Variants in IL27RA observed in about 807,000 individuals in gnomAD.
IL27RA encodes interleukin-27 receptor subunit alpha.
IL27RA carries 61 observed loss-of-function variants against 80.8 expected under a neutral mutation model. That is an observed-to-expected ratio of 0.76 (90% CI 0.61 to 0.93). The LOEUF is 0.93. Ranked by LOEUF, IL27RA falls within the 40% of genes least tolerant of loss-of-function variation. IL27RA has a pLI of 0.00. For synonymous variants in IL27RA, 316 were observed against 332.5 expected (o/e 0.95, Z 0.54); for missense variants, 735 against 808.1 (o/e 0.91, Z 1.10).
chr19:14,039,994 C>A, intron 4 of IL27RA, 84 bp downstream of exon 4: 1 of 1,377,334 alleles, frequency 7.3e-7, no homozygotes, highest in Non-Finnish European at 1.0e-6. Flanking sequence ...CAGCCCAGGA[C>A]TCATTCTGTG....
rs113040256 is a variant in IL27RA at position 14,052,903 on chromosome 19, C to CAAAAAAAAAAAAAAA, written c.*615_*629dup. 1 of 89,828 alleles carries CAAAAAAAAAAAAAAA rather than the reference C, an allele frequency of 1.1e-5. No individual in the cohort carries two copies. The highest frequency in any genetic ancestry group is 2.6e-5 in the Non-Finnish European group (1 of 38,888). The allele number at this position is 89,828 out of a possible 1,614,324, so 5.6% of individuals were successfully genotyped here. ...CAAAAATAAACAAACTAATAAAAAGCAAAAAAAAAAAAAAAAGAAAAGAAA... is the reference window on the plus strand; with the variant it reads ...CAAAAATAAACAAACTAATAAAAAGCAAAAAAAAAAAAAAAAAAAAAAAAAAAAAAAGAAAAGAAA... On this transcript the variant is annotated 3_prime_UTR_variant, in exon 14 of 14. Coordinates refer to ENST00000263379, the MANE Select transcript of IL27RA (RefSeq NM_004843.4).
At position 14,032,822 on chromosome 19, in the gene IL27RA, A is replaced by AG. The variant is rs1555764291; in HGVS notation, c.218+319_218+320insG. Among the ~76,000 whole-genome samples the AG allele has an allele frequency of 1.3e-3, 147 of 116,196 alleles. 4 individuals carry two copies. The East Asian group carries it at 0.018, about 15-fold the overall frequency. The allele number at this position is 116,196 out of a possible 152,430, so 76.2% of individuals were successfully genotyped here. A position where few individuals can be genotyped will look rare whatever the true frequency, so the allele number is the denominator to read the frequency against. ...CTCTGTCTCAAAAAAAAAAAAAAAA[A>AG]AAAAGAAAAGAAAAGAAAAGAAAGT... On this transcript the variant is annotated intron_variant, in intron 2 of 13. Transcript: ENST00000263379.
rs1400595505 is a variant in IL27RA at position 14,048,526 on chromosome 19, G to C, written c.1142-455G>C. Among the ~76,000 whole-genome samples the C allele has an allele frequency of 2.6e-5, 4 of 152,272 alleles. No homozygotes were observed. In the East Asian group the frequency reaches 5.8e-4, roughly 22 times the overall value. The stretch of plus-strand genomic sequence containing the variant: ...TGCTCATATCTGTTTGACCACCTCA[G>C]AGGTTTTAGGCCTCTCTCCCAGCTG... On this transcript the variant is annotated intron_variant, in intron 8 of 13. Coordinates refer to ENST00000263379, the MANE Select transcript of IL27RA (RefSeq NM_004843.4).
At chr19:14,052,014 T>TG (rs1411488034) in intron 13 of IL27RA, 41 bp downstream of exon 13, 1 of 1,479,616 alleles carries the variant, frequency 6.8e-7, no homozygotes, top group African/African-American at 1.6e-5. Flanking sequence ...TCTGGGGGAC[T>TG]GGGGAGTCCT....
chr19:14,048,548 G>T (rs886720782), intron 8 of IL27RA, among the ~76,000 whole-genome samples: 1 of 152,148 alleles, frequency 6.6e-6, no homozygotes, highest in African/African-American at 2.4e-5. Context: ...CTCTCTCCCA[G>T]CTGCCCACAC....
chr19:14,042,357 G>A, intron 4 of IL27RA, 96 bp from the exon 5 acceptor site: 1 of 1,335,146 alleles, frequency 7.5e-7, no homozygotes, highest in Non-Finnish European at 1.0e-6. Flanking sequence ...CAACGAGACT[G>A]TCTCAAAACG....
intron 8 of IL27RA, among the ~76,000 whole-genome samples, chr19:14,048,705 C>T (rs888247458): frequency 1.3e-5 from 2 of 152,178 alleles, no homozygotes; most frequent in Admixed American, 1.3e-4. Context: ...CTCCGTCCCC[C>T]TGAGCTGGGC....
rs765885275 is a variant in IL27RA at position 14,039,772 on chromosome 19, G to C, written c.396G>C (p.Arg132=). The change falls in exon 4 of 14, where the codon CGG becomes CGC. Residue 132 remains arginine, a synonymous_variant. Coordinates refer to ENST00000263379, the MANE Select transcript of IL27RA (RefSeq NM_004843.4). ...LETQMKPNAP[R]LGPDVDFSED... ...CCCCAGTGAAGCCAAACGCCCCCCG[G>C]CTGGGCCCTGACGTGGACTTTTCCG... 3 of 1,613,902 alleles carry C rather than the reference G, an allele frequency of 1.9e-6. No homozygotes were observed. The highest frequency in any genetic ancestry group is 2.7e-5 in the African/African-American group (2 of 74,922).
chr19:14,038,556 G>A (rs1394752830), intron 2 of IL27RA, among the ~76,000 whole-genome samples: 2 of 140,048 alleles, frequency 1.4e-5, no homozygotes, highest in Non-Finnish European at 3.0e-5. Flanking sequence ...TACAGAGTGA[G>A]GTCGTGTCTC....
Position 14,049,471 on chromosome 19 carries a change from C to T in IL27RA, c.1402+157C>T, listed in dbSNP as rs182150135. Among the ~76,000 whole-genome samples the T allele has an allele frequency of 2.6e-5, 4 of 152,146 alleles. No homozygotes were observed. The East Asian group carries it at 7.7e-4, about 29-fold the overall frequency. ...GCTATCAATGTAACGAGCTTTCATT[C>T]GGCCATTAAAAATGAGGATGCCAAT... On this transcript the variant is annotated intron_variant, in intron 10 of 13. Coordinates refer to ENST00000263379, the MANE Select transcript of IL27RA (RefSeq NM_004843.4).
rs766173308 is a variant in IL27RA at position 14,031,906 on chromosome 19, T to G, written c.34T>G (p.Trp12Gly). The change falls in exon 1 of 14, where the codon TGG becomes GGG. Residue 12 changes from tryptophan to glycine, a missense_variant. Coordinates refer to ENST00000263379, the MANE Select transcript of IL27RA (RefSeq NM_004843.4). ...AGGCAGGGGCGCCCCTTTCTGGCTG[T>G]GGCCGCTGCCCAAGCTGGCGCTGCT... ...RGGRGAPFWL[W>G]PLPKLALLPL... 1.2e-6 allele frequency: 2 copies of G among 1,606,236 alleles called. No homozygotes were observed. The highest frequency in any genetic ancestry group is 2.2e-5 in the South Asian group (2 of 89,956).
intron 13 of IL27RA, 38 bp downstream of exon 13, chr19:14,052,011 G>C (rs753236844): frequency 6.4e-7 from 1 of 1,567,796 alleles, no homozygotes; most frequent in Non-Finnish European, 8.7e-7. Context: ...CCCTCTGGGG[G>C]ACTGGGGAGT....
intron 13 of IL27RA, 58 bp from the exon 14 acceptor site, chr19:14,052,038 G>A (rs369031289): frequency 1.3e-6 from 2 of 1,579,754 alleles, no homozygotes; most frequent in Non-Finnish European, 1.7e-6. Context: ...GCAGTGGGGA[G>A]GGGGTGAGGT....
At chr19:14,044,398 C>G (rs1411576967) in intron 6 of IL27RA, among the ~76,000 whole-genome samples, 1 of 151,968 alleles carries the variant, frequency 6.6e-6, no homozygotes, top group Non-Finnish European at 1.5e-5. Context: ...CGCCACCACA[C>G]CCGGCTAATT....
intron 2 of IL27RA, among the ~76,000 whole-genome samples, chr19:14,036,269 A>C (rs568241743): frequency 6.6e-6 from 1 of 152,150 alleles, no homozygotes; most frequent in Admixed American, 6.6e-5. Flanking sequence ...TAATGGAATT[A>C]CAGGTGCTAC....
chr19:14,042,350 C>T (rs906818496), intron 4 of IL27RA, 103 bp from the exon 5 acceptor site: 10 of 1,268,650 alleles, frequency 7.9e-6, no homozygotes, highest in African/African-American at 4.5e-5. Flanking sequence ...TGGGCCACAA[C>T]GAGACTGTCT....
chr19:14,040,342 A>G (rs1975971337), intron 4 of IL27RA, among the ~76,000 whole-genome samples: 1 of 151,554 alleles, frequency 6.6e-6, no homozygotes, highest in African/African-American at 2.4e-5. Context: ...AGCCTGAGCT[A>G]CAGAGTGAGA....
At chr19:14,032,632 T>TAAAA in intron 2 of IL27RA, 129 bp downstream of exon 2, 1 of 82,766 alleles carries the variant, frequency 1.2e-5, no homozygotes, top group Non-Finnish European at 2.0e-5. Context: ...ATACTAAAAA[T>TAAAA]ACAAAAAAAA....
Position 14,032,444 on chromosome 19 carries a change from G to C in IL27RA, c.159G>C (p.Ser53=), listed in dbSNP as rs201712379. Reference sequence around the variant, plus strand: ...GACCCTTGGGCGACTTGAACTGCTCGTGGGAGCCTCTTGGGGACCTGGGAG... The same window carrying C: ...GACCCTTGGGCGACTTGAACTGCTCCTGGGAGCCTCTTGGGGACCTGGGAG... The part of the protein sequence containing the change: ...GVGPLGDLNC[S]WEPLGDLGAP... Residue 53 remains serine, a synonymous_variant, in exon 2 of 14, where the codon TCG becomes TCC. Transcript: ENST00000263379. 82 of 1,613,796 alleles carry C rather than the reference G, an allele frequency of 5.1e-5. No homozygotes were observed. The highest frequency in any genetic ancestry group is 8.3e-5 in the Admixed American group (5 of 59,960).
Sources: allele counts gnomAD v4.1 joint callset (sites outside exome capture counted in the v4.1 genomes callset), GRCh38; gene constraint gnomAD v4.1.1; transcripts MANE v1.5; gene names NCBI Gene and HGNC (gene_info 2026-07-23, HGNC 2026-07-21).